The following PTGER4 variants were observed in gnomAD, a reference collection of about 807,000 sequenced individuals.
The protein encoded by PTGER4 is prostaglandin E2 receptor EP4 subtype.
PTGER4 carries 11 observed loss-of-function variants against 33.2 expected under a neutral mutation model. That is an observed-to-expected ratio of 0.33 (90% CI 0.21 to 0.55). The LOEUF is 0.55. PTGER4 is among the 20% of genes least tolerant of loss of function. The pLI is 0.92. For synonymous variants in PTGER4, 275 were observed against 281.5 expected (o/e 0.98, Z 0.23); for missense variants, 481 against 650.2 (o/e 0.74, Z 2.83).
Position 40,681,942 on chromosome 5 carries a change from T to A in PTGER4, c.867+82T>A. 7.0e-7 allele frequency: 1 copy of A among 1,433,664 alleles called. No homozygotes were observed. The highest frequency in any genetic ancestry group is 2.6e-5 in the East Asian group (1 of 38,720). 88.8% of individuals were successfully genotyped at this position (1,433,664 alleles called of 1,614,324 possible). On this transcript the variant is annotated intron_variant, in intron 2 of 2. Coordinates refer to ENST00000302472, the MANE Select transcript of PTGER4 (RefSeq NM_000958.3). The surrounding 1 kb of genome is among the most constrained non-coding windows in gnomAD (Gnocchi z 9.8). Reference sequence around the variant, plus strand: ...TCCATTCCCCGCTCCCTGCTTTCCCTCTGAGTCCTTGGCAGTGAACGTGTC... The same window carrying A: ...TCCATTCCCCGCTCCCTGCTTTCCCACTGAGTCCTTGGCAGTGAACGTGTC...
the PTGER4 span, among the ~76,000 whole-genome samples, chr5:40,703,088 T>G: frequency 6.6e-6 from 1 of 152,070 alleles, no homozygotes; most frequent in African/African-American, 2.4e-5. Flanking sequence ...ACGACCTAAC[T>G]TCACAACTGA....
chr5:40,746,773 T>A, the PTGER4 span: 1 of 1,316,838 alleles, frequency 7.6e-7, no homozygotes. Context: ...CTCTTCTCCA[T>A]AAAAAAAAAA....
chr5:40,718,045 A>T, the PTGER4 span, among the ~76,000 whole-genome samples: 3,701 of 151,316 alleles, frequency 0.024, 52 homozygotes, highest in East Asian at 0.065. Flanking sequence ...CTGGGCAACA[A>T]GAGCGAAACT....
At chr5:40,745,002 T>C in the PTGER4 span, among the ~76,000 whole-genome samples, 1 of 152,124 alleles carries the variant, frequency 6.6e-6, no homozygotes, top group Admixed American at 6.5e-5. Flanking sequence ...TAACTTTCAG[T>C]TTACAAGAAA....
At chr5:40,716,492 G>C in the PTGER4 span, 1 of 1,583,022 alleles carries the variant, frequency 6.3e-7, no homozygotes, top group Non-Finnish European at 8.6e-7. Context: ...TGAAAACTTC[G>C]AATTGCCTAG....
rs1472006597 is a variant in PTGER4 at position 40,691,478 on chromosome 5, C to A, written c.868-301C>A. 6.6e-6 allele frequency among the ~76,000 whole-genome samples: 1 copy of A among 152,142 alleles called. No homozygotes were observed. Among genetic ancestry groups the A allele is most frequent in the Non-Finnish European group, 1.5e-5 (1 of 68,028 alleles). ...TACAGGCGTGAGCCACCGCACCCAGCCTAATGTTTGTATTTTTAGTAGAGA... is the reference window on the plus strand; with the variant it reads ...TACAGGCGTGAGCCACCGCACCCAGACTAATGTTTGTATTTTTAGTAGAGA... On this transcript the variant is annotated intron_variant, in intron 2 of 2. Transcript: ENST00000302472. The surrounding 1 kb of genome is among the most constrained non-coding windows in gnomAD (Gnocchi z 4.2).
chr5:40,728,031 C>A, the PTGER4 span, among the ~76,000 whole-genome samples: 22 of 152,046 alleles, frequency 1.4e-4, no homozygotes, highest in African/African-American at 4.8e-4. Context: ...CCTGTAATCC[C>A]AGCACTTTGG....
Position 40,692,690 on chromosome 5 carries a change from C to T in PTGER4, c.*312C>T. The T allele has an allele frequency of 1.8e-6, 2 of 1,085,644 alleles. No individual in the cohort carries two copies. Among genetic ancestry groups the T allele is most frequent in the Non-Finnish European group, 2.2e-6 (2 of 892,646 alleles). The allele number at this position is 1,085,644 out of a possible 1,614,324, so 67.3% of individuals were successfully genotyped here. A position where few individuals can be genotyped will look rare whatever the true frequency, so the allele number is the denominator to read the frequency against. The stretch of plus-strand genomic sequence containing the variant: ...AGAAGTTTGGCTGCTGTCATAACAT[C>T]CAGAGCTTTGTCGTATTTGGCACAC... On this transcript the variant is annotated 3_prime_UTR_variant, in exon 3 of 3. Transcript: ENST00000302472.
the PTGER4 span, among the ~76,000 whole-genome samples, chr5:40,705,063 G>A: frequency 3.1e-4 from 47 of 152,070 alleles, no homozygotes; most frequent in African/African-American, 1.1e-3. Context: ...CACATTACTC[G>A]ACTTCAAACC....
chr5:40,704,331 A>G, the PTGER4 span, among the ~76,000 whole-genome samples: 1 of 152,232 alleles, frequency 6.6e-6, no homozygotes, highest in Non-Finnish European at 1.5e-5. Flanking sequence ...GAAGGAACAA[A>G]GCTCAAAATA....
intron 2 of PTGER4, among the ~76,000 whole-genome samples, chr5:40,685,687 A>G (rs1019826475): frequency 6.6e-6 from 1 of 152,206 alleles, no homozygotes; most frequent in African/African-American, 2.4e-5. Context: ...AGCTCTAAGG[A>G]GAAAGTAGGG....
the PTGER4 span, among the ~76,000 whole-genome samples, chr5:40,725,597 A>T: frequency 6.6e-6 from 1 of 152,182 alleles, no homozygotes; most frequent in Non-Finnish European, 1.5e-5. Flanking sequence ...CCAGCACTGA[A>T]GGCTGAGAAC....
chr5:40,718,228 AC>A, the PTGER4 span, among the ~76,000 whole-genome samples: 1 of 151,374 alleles, frequency 6.6e-6, no homozygotes, highest in Non-Finnish European at 1.5e-5. Context: ...CAATGACAAA[AC>A]CCCGTCTCTA....
At chr5:40,703,464 G>C in the PTGER4 span, among the ~76,000 whole-genome samples, 1 of 152,062 alleles carries the variant, frequency 6.6e-6, no homozygotes, top group East Asian at 1.9e-4. Context: ...TCCCTGAACA[G>C]ACCAATAACA....
At chr5:40,696,611 T>C (rs1741587690), downstream of PTGER4, 1 of 916,096 alleles carries the variant, frequency 1.1e-6, no homozygotes, top group Non-Finnish European at 1.3e-6. Flanking sequence ...TATCAACATC[T>C]CTACCATTCA....
At chr5:40,738,530 AATAAAATAC>A in the PTGER4 span, among the ~76,000 whole-genome samples, 10 of 131,644 alleles carry the variant, frequency 7.6e-5, no homozygotes, top group South Asian at 2.8e-4. Context: ...AATAAAATAC[AATAAAATAC>A]AATAAAATAA....
At chr5:40,711,724 T>C in the PTGER4 span, among the ~76,000 whole-genome samples, 1 of 152,108 alleles carries the variant, frequency 6.6e-6, no homozygotes, top group Admixed American at 6.6e-5. Context: ...TTATTATTGA[T>C]ACACATGATA....
chr5:40,722,822 C>T, the PTGER4 span, among the ~76,000 whole-genome samples: 99,229 of 149,084 alleles, frequency 0.67, 33,011 homozygotes, highest in East Asian at 0.77. Context: ...AGGTGGGGGG[C>T]GCAGCCCCCA....
the PTGER4 span, among the ~76,000 whole-genome samples, chr5:40,731,582 C>T: frequency 6.6e-6 from 1 of 152,138 alleles, no homozygotes. Flanking sequence ...ACAGGGAAGC[C>T]CCTTATAAAT....
Sources: allele counts gnomAD v4.1 joint callset (sites outside exome capture counted in the v4.1 genomes callset), GRCh38; gene constraint gnomAD v4.1.1; non-coding constraint Gnocchi (gnomAD v3.1); transcripts MANE v1.5; gene names NCBI Gene and HGNC (gene_info 2026-07-23, HGNC 2026-07-21).